Variants in EML6 observed in about 807,000 individuals in gnomAD.
The protein encoded by EML6 is echinoderm microtubule-associated protein-like 6.
A neutral mutation model predicts 240.1 loss-of-function variants in EML6; 154 were observed. The observed-to-expected ratio is 0.64, with a 90% CI of 0.56 to 0.73. The LOEUF is 0.73. Ranked by LOEUF, EML6 falls within the 30% of genes least tolerant of loss-of-function variation. The probability of loss-of-function intolerance (pLI) is 0.00; values close to 1 mark genes in which losing one functional copy is unlikely to be tolerated. For missense variants in EML6, 2,964 were observed against 2,474.6 expected (o/e 1.20, Z -4.20); for synonymous variants, 1,148 against 899.0 (o/e 1.28, Z -4.95).
chr2:54,964,180 G>A (rs1339234262), intron 37 of EML6, 22 bp downstream of exon 37: 1 of 1,548,276 alleles, frequency 6.5e-7, no homozygotes, highest in Non-Finnish European at 8.7e-7. Context: ...GGTGGTCTGG[G>A]CATGGAGGAG....
intron 22 of EML6, among the ~76,000 whole-genome samples, chr2:54,900,271 A>C (rs1212521422): frequency 3.9e-5 from 6 of 152,228 alleles, no homozygotes; most frequent in Non-Finnish European, 8.8e-5. Context: ...TTTATTAAGT[A>C]GCTTCTGTGT....
chr2:54,945,331 A>G (rs145395103), intron 28 of EML6, among the ~76,000 whole-genome samples: 2 of 141,654 alleles, frequency 1.4e-5, no homozygotes, highest in Admixed American at 7.4e-5. Flanking sequence ...ATTTCCCAAG[A>G]CATTCTAAAA....
chr2:54,748,443 A>G (rs1684015233), intron 2 of EML6: 1 of 152,044 alleles, frequency 6.6e-6, no homozygotes, highest in South Asian at 2.1e-4. Context: ...TGTCTTCATC[A>G]CTGGTCCAGC....
chr2:54,797,177 A>AAACAAAAAAAAAAAC (rs1669849495), intron 2 of EML6, among the ~76,000 whole-genome samples: 1 of 132,688 alleles, frequency 7.5e-6, no homozygotes, highest in Admixed American at 8.0e-5. Context: ...AAAAAAAAAA[A>AAACAAAAAAAAAAAC]AAAAAAAAAA....
chr2:54,862,966 A>G, intron 12 of EML6, among the ~76,000 whole-genome samples: 1 of 152,218 alleles, frequency 6.6e-6, no homozygotes, highest in East Asian at 1.9e-4. Context: ...AACCTTTGAA[A>G]TGTAAGTGGC....
intron 2 of EML6, among the ~76,000 whole-genome samples, chr2:54,779,957 T>C (rs1362042442): frequency 1.3e-5 from 2 of 150,618 alleles, no homozygotes; most frequent in Non-Finnish European, 3.0e-5. Flanking sequence ...ATTTAAAAAG[T>C]GGAACAAGAT....
intron 32 of EML6, among the ~76,000 whole-genome samples, 178 bp downstream of exon 32, chr2:54,954,334 AT>A (rs930612791): frequency 3.9e-5 from 6 of 152,204 alleles, no homozygotes; most frequent in African/African-American, 1.4e-4. Flanking sequence ...ATGCCAGTGC[AT>A]CCCAGGGTCC....
chr2:54,878,308 G>C (rs575759396), intron 16 of EML6, among the ~76,000 whole-genome samples: 1 of 152,144 alleles, frequency 6.6e-6, no homozygotes, highest in African/African-American at 2.4e-5. Flanking sequence ...ACAGACCTGT[G>C]TTGCTTTATT....
At chr2:54,848,506 C>G (rs866610584) in intron 9 of EML6, among the ~76,000 whole-genome samples, 1 of 103,130 alleles carries the variant, frequency 9.7e-6, no homozygotes, top group African/African-American at 3.6e-5. Context: ...TTTCGATGGA[C>G]TTCTCAAGCT....
intron 22 of EML6, among the ~76,000 whole-genome samples, chr2:54,900,565 A>T (rs965056082): frequency 1.3e-5 from 2 of 152,294 alleles, no homozygotes; most frequent in African/African-American, 4.8e-5. Context: ...GCCACATGAG[A>T]TGGCAGCCTG....
At chr2:54,862,218 A>T (rs1363329875) in intron 12 of EML6, among the ~76,000 whole-genome samples, 1 of 151,740 alleles carries the variant, frequency 6.6e-6, no homozygotes, top group Non-Finnish European at 1.5e-5. Context: ...GCACATCTGT[A>T]ATCCCAGCTA....
chr2:54,930,352 C>T (rs1674786540), intron 28 of EML6, among the ~76,000 whole-genome samples: 1 of 152,188 alleles, frequency 6.6e-6, no homozygotes, highest in Admixed American at 6.5e-5. Context: ...GCAAATCTGT[C>T]AACATTTCGT....
intron 17 of EML6, among the ~76,000 whole-genome samples, chr2:54,887,257 T>C (rs1045005571): frequency 1.3e-5 from 2 of 152,246 alleles, no homozygotes; most frequent in African/African-American, 4.8e-5. Context: ...AACCTTGGGC[T>C]AAATTGGTTA....
rs967503574 is a variant in EML6, at chr2:54,829,433, C to T, written c.803C>T (p.Pro268Leu). The change falls in exon 7 of 42, where the codon CCA becomes CTA. Residue 268 changes from proline (P) to leucine (L), a missense_variant. Physicochemically the swap from Pro to Leu is moderately conservative, Grantham distance 98. Coordinates refer to ENST00000356458, the MANE Select transcript of EML6 (RefSeq NM_001039753.4). ...CGACTGTGGGACACTGATTTCAAACCAATAACCAAAATTGATCTCAGGGAG... is the reference window on the plus strand; with the variant it reads ...CGACTGTGGGACACTGATTTCAAACTAATAACCAAAATTGATCTCAGGGAG... ...CIRLWDTDFKPITKIDLRETE... is the reference protein window; with the variant it reads ...CIRLWDTDFKLITKIDLRETE... The T allele has an allele frequency of 1.9e-5, 29 of 1,551,606 alleles. No individual in the cohort carries two copies. The highest frequency in any genetic ancestry group is 2.4e-5 in the Non-Finnish European group (27 of 1,146,790).
At chr2:54,784,451 G>A (rs373954445) in intron 2 of EML6, among the ~76,000 whole-genome samples, 6 of 152,018 alleles carry the variant, frequency 3.9e-5, no homozygotes, top group South Asian at 2.1e-4. Flanking sequence ...AGACTTTACC[G>A]TACCACTAAT....
In EML6 at chr2:54,827,606, G is replaced by T; in HGVS notation, c.566G>T (p.Gly189Val). Residue 189 changes from glycine (G) to valine (V), a missense_variant, in exon 6 of 42, where the codon GGG (glycine) becomes GTG (valine). Transcript: ENST00000356458. The part of the protein sequence containing the change: ...LCGNALTAKR[G>V]IFGKTGDLQT... ...GGAAATGCCCTGACTGCAAAAAGAGGGATATTTGGCAAAACAGGGGATCTT... is the reference window on the plus strand; with the variant it reads ...GGAAATGCCCTGACTGCAAAAAGAGTGATATTTGGCAAAACAGGGGATCTT... The T allele has an allele frequency of 6.4e-7, 1 of 1,551,638 alleles. No individual in the cohort carries two copies. The highest frequency in any genetic ancestry group is 1.2e-5 in the South Asian group (1 of 84,060).
chr2:54,961,520 C>G (rs1460731013), intron 35 of EML6, among the ~76,000 whole-genome samples: 1 of 151,416 alleles, frequency 6.6e-6, no homozygotes, highest in Non-Finnish European at 1.5e-5. Flanking sequence ...GAAGGAAGAA[C>G]TTACTAAGAG....
chr2:54,853,159 G>T (rs1670182363), intron 10 of EML6, among the ~76,000 whole-genome samples: 1 of 152,056 alleles, frequency 6.6e-6, no homozygotes. Flanking sequence ...AGTTCAGGAT[G>T]AACTTAGCCA....
At chr2:54,952,964 A>T (rs530180356) in intron 31 of EML6, among the ~76,000 whole-genome samples, 1 of 151,976 alleles carries the variant, frequency 6.6e-6, no homozygotes, top group East Asian at 1.9e-4. Flanking sequence ...AGTTTTTCAG[A>T]CCCCAAGTGT....
Sources: gnomAD v4.1 joint callset for allele counts (sites outside exome capture counted in the v4.1 genomes callset) on GRCh38, gnomAD v4.1.1 for gene constraint, MANE v1.5 for transcripts, NCBI Gene and HGNC (gene_info 2026-07-23, HGNC 2026-07-21) for gene names.